The following SETD3 variants were observed in gnomAD, a reference collection of about 807,000 sequenced individuals.
SETD3 encodes actin-histidine N-methyltransferase.
A neutral mutation model predicts 63.0 loss-of-function variants in SETD3; 19 were observed. The observed-to-expected ratio is 0.30, with a 90% CI of 0.21 to 0.44. The LOEUF (loss-of-function observed/expected upper bound fraction) is 0.44. Among genes scored for constraint, SETD3 ranks in the 20% least tolerant of loss-of-function variants. SETD3 has a pLI of 1.00. For synonymous variants in SETD3, 286 were observed against 264.1 expected (o/e 1.08, Z -0.80); for missense variants, 587 against 728.5 (o/e 0.81, Z 2.24).
intron 1 of SETD3, among the ~76,000 whole-genome samples, chr14:99,471,748 G>A (rs562140164): frequency 3.3e-5 from 5 of 152,292 alleles, no homozygotes; most frequent in African/African-American, 1.2e-4. Context: ...AAACACACTG[G>A]AATTTTTAAA....
At chr14:99,414,236 C>T (rs765871884) in intron 6 of SETD3, among the ~76,000 whole-genome samples, 2 of 152,246 alleles carry the variant, frequency 1.3e-5, no homozygotes, top group Non-Finnish European at 2.9e-5. Context: ...AAGGCAGGCA[C>T]GCCTACGCGA....
intron 6 of SETD3, chr14:99,444,386 C>A (rs1894010369): frequency 6.6e-6 from 1 of 152,216 alleles, no homozygotes; most frequent in African/African-American, 2.4e-5. Context: ...GGATGACACA[C>A]AAACTAGTGA....
chr14:99,458,145 T>G, intron 6 of SETD3, 134 bp downstream of exon 6: 1 of 1,061,226 alleles, frequency 9.4e-7, no homozygotes, highest in Non-Finnish European at 1.3e-6. Flanking sequence ...ATGAAATGTA[T>G]TTTATATTTT....
chr14:99,478,052 CAG>C, intron 1 of SETD3, among the ~76,000 whole-genome samples: 1 of 152,176 alleles, frequency 6.6e-6, no homozygotes. Context: ...AACTGTTAGC[CAG>C]ATAAACACTT....
Position 99,458,522 on chromosome 14 carries a change from A to G in SETD3, c.432T>C (p.Ser144=), listed in dbSNP as rs766591982. The G allele has an allele frequency of 3.7e-6, 6 of 1,614,028 alleles. No individual in the cohort carries two copies. Among genetic ancestry groups the G allele is most frequent in the Non-Finnish European group, 4.2e-6 (5 of 1,180,010 alleles). Residue 144 remains serine, a synonymous_variant, in exon 6 of 13, where the codon TCT becomes TCC. Transcript: ENST00000331768. ...AKNSVLGPLY[S]QDRILQAMGN... Reference sequence around the variant, plus strand: ...CCATGGCTTGAAGGATTCGGTCTTGAGAATATAAGGGCCCTGAATTAACCC... The same window carrying G: ...CCATGGCTTGAAGGATTCGGTCTTGGGAATATAAGGGCCCTGAATTAACCC...
chr14:99,466,098 A>G (rs1279094256), intron 1 of SETD3, among the ~76,000 whole-genome samples: 1 of 152,160 alleles, frequency 6.6e-6, no homozygotes, highest in Non-Finnish European at 1.5e-5. Context: ...TTTTAATTAC[A>G]TAGATTTCAC....
intron 10 of SETD3, 117 bp from the exon 11 acceptor site, chr14:99,404,427 T>C (rs917017432): frequency 1.0e-5 from 9 of 884,604 alleles, no homozygotes; most frequent in African/African-American, 6.7e-5. Context: ...TGAGCTGGAA[T>C]GGGTCATTCC....
intron 5 of SETD3, 70 bp downstream of exon 5, chr14:99,459,043 G>T: frequency 1.7e-6 from 2 of 1,151,262 alleles, no homozygotes; most frequent in Non-Finnish European, 2.6e-6. Context: ...TATCCTTAGT[G>T]CCATAAAATG....
At chr14:99,450,494 A>G (rs1416428903) in intron 6 of SETD3, among the ~76,000 whole-genome samples, 2 of 152,214 alleles carry the variant, frequency 1.3e-5, no homozygotes, top group Non-Finnish European at 2.9e-5. Flanking sequence ...GACAGGCTGC[A>G]GCAACAGTAA....
At chr14:99,436,812 A>G (rs1037256737) in intron 6 of SETD3, among the ~76,000 whole-genome samples, 6 of 152,150 alleles carry the variant, frequency 3.9e-5, no homozygotes, top group Non-Finnish European at 7.4e-5. Flanking sequence ...TTATCCAGTA[A>G]GTGTTCCCTG....
At chr14:99,465,270 A>C (rs1895305311) in intron 2 of SETD3, among the ~76,000 whole-genome samples, 1 of 152,228 alleles carries the variant, frequency 6.6e-6, no homozygotes, top group Admixed American at 6.5e-5. Context: ...CAGCCCGTGA[A>C]GTACCTTCAC....
intron 6 of SETD3, among the ~76,000 whole-genome samples, chr14:99,416,630 A>G (rs1892305460): frequency 6.6e-6 from 1 of 152,316 alleles, no homozygotes; most frequent in East Asian, 1.9e-4. Context: ...CAGAAAGACG[A>G]CAGTGAGAGG....
chr14:99,438,722 C>A (rs539390827), intron 6 of SETD3, among the ~76,000 whole-genome samples: 78 of 152,294 alleles, frequency 5.1e-4, no homozygotes, highest in Admixed American at 1.2e-3. Flanking sequence ...AAGCAAGCAA[C>A]CAAACCAGTG....
chr14:99,486,379 TAC>T, the SETD3 span, among the ~76,000 whole-genome samples: 1 of 152,238 alleles, frequency 6.6e-6, no homozygotes, highest in African/African-American at 2.4e-5. Flanking sequence ...TGATTCTTCC[TAC>T]TTGGTACAAG....
intron 11 of SETD3, 135 bp downstream of exon 11, chr14:99,404,090 A>G (rs769176167): frequency 1.7e-6 from 1 of 601,500 alleles, no homozygotes; most frequent in Non-Finnish European, 2.8e-6. Flanking sequence ...TTCTTTCTCC[A>G]GTATTGTATC....
intron 1 of SETD3, among the ~76,000 whole-genome samples, chr14:99,476,945 A>C (rs1896002464): frequency 6.6e-6 from 1 of 152,146 alleles, no homozygotes. Context: ...TTCTCTAGAC[A>C]ATTTTTTTTG....
chr14:99,473,301 C>G (rs904906557), intron 1 of SETD3, among the ~76,000 whole-genome samples: 2 of 152,052 alleles, frequency 1.3e-5, no homozygotes, highest in African/African-American at 4.8e-5. Flanking sequence ...GCAGTGGGAG[C>G]GGAGGTGGGG....
chr14:99,480,387 G>A (rs1475545423), intron 1 of SETD3, among the ~76,000 whole-genome samples: 2 of 151,926 alleles, frequency 1.3e-5, no homozygotes, highest in Non-Finnish European at 2.9e-5. Flanking sequence ...GCCTGCACCT[G>A]GCACCACCTC....
intron 8 of SETD3, chr14:99,410,295 T>C (rs1483409163): frequency 1.9e-6 from 3 of 1,603,472 alleles, no homozygotes; most frequent in Non-Finnish European, 2.6e-6. Flanking sequence ...TCGGAGAGAC[T>C]TGTCTGCTAT....
Sources: allele counts gnomAD v4.1 joint callset (sites outside exome capture counted in the v4.1 genomes callset), GRCh38; gene constraint gnomAD v4.1.1; transcripts MANE v1.5; gene names NCBI Gene and HGNC (gene_info 2026-07-23, HGNC 2026-07-21).